TRMT2B: variants seen among roughly 807,000 people sequenced by gnomAD.
TRMT2B encodes the protein tRNA (uracil-5-)-methyltransferase homolog B.
TRMT2B carries 34 observed loss-of-function variants against 39.7 expected under a neutral mutation model. The ratio of observed to expected loss-of-function variants is 0.86; its 90% confidence interval spans 0.65 to 1.14. TRMT2B has a LOEUF of 1.14. Ranked by LOEUF, TRMT2B falls within the 50% of genes most tolerant of loss-of-function variation. The pLI, the probability that TRMT2B is intolerant of heterozygous loss-of-function variation, is 0.00. For missense variants in TRMT2B, 318 were observed against 377.2 expected, an observed-to-expected ratio of 0.84 and a Z score of 1.30; for synonymous variants, 132 against 137.3, an observed-to-expected ratio of 0.96 and a Z score of 0.27.
chrX:101,034,496 GGGAACT>G lies in TRMT2B; in HGVS notation c.609+1111_609+1116del, dbSNP rs757344045. 3.8e-3 allele frequency among the ~76,000 whole-genome samples: 422 copies of G among 111,434 alleles called. 2 individuals are homozygous for G. The highest frequency in any genetic ancestry group is 0.013 in the African/African-American group (402 of 30,712). On this transcript the variant is annotated intron_variant, in intron 7 of 13. Transcript: ENST00000372936. ...AAAAAAATTTTACCCATGGCAGGGAGGGAACTGGGTAGAGGGGTCAGAGGTGAAAGC... is the reference window on the plus strand; with the variant it reads ...AAAAAAATTTTACCCATGGCAGGGAGGGGTAGAGGGGTCAGAGGTGAAAGC...
chrX:101,021,464 A>C, intron 9 of TRMT2B, 149 bp from the exon 10 acceptor site: 1 of 466,995 alleles, frequency 2.1e-6, no homozygotes, highest in Non-Finnish European at 3.6e-6. Flanking sequence ...TCTCATCTCT[A>C]CTGAAAATAC....
the TRMT2B span, chrX:100,990,516 T>A: frequency 9.1e-7 from 1 of 1,096,964 alleles, no homozygotes; most frequent in Non-Finnish European, 1.2e-6. Flanking sequence ...TACTCTAATA[T>A]CACATCCCTG....
At chrX:100,998,150 C>T in the TRMT2B span, among the ~76,000 whole-genome samples, 1,147 of 107,658 alleles carry the variant, frequency 0.011, 11 homozygotes, top group Non-Finnish European at 0.016. Context: ...ATCCCAGCTA[C>T]TCAGGAGGCT....
chrX:100,985,969 A>C, the TRMT2B span: 1 of 1,152,361 alleles, frequency 8.7e-7, no homozygotes, highest in Non-Finnish European at 1.2e-6. Context: ...TACCCTTAAA[A>C]GTATAGAAAT....
chrX:100,983,703 A>G, the TRMT2B span, among the ~76,000 whole-genome samples: 1 of 111,890 alleles, frequency 8.9e-6, no homozygotes, highest in African/African-American at 3.3e-5. Flanking sequence ...CAAATATCAC[A>G]TCAAAGTTTT....
At chrX:100,993,641 C>A in the TRMT2B span, among the ~76,000 whole-genome samples, 1 of 111,903 alleles carries the variant, frequency 8.9e-6, no homozygotes, top group East Asian at 2.8e-4. Context: ...TATTGGCATA[C>A]TTCCTTTTGT....
the TRMT2B span, among the ~76,000 whole-genome samples, chrX:100,997,033 A>C: frequency 4.5e-5 from 5 of 111,830 alleles, no homozygotes; most frequent in African/African-American, 1.3e-4. Context: ...GGCTTCTATA[A>C]GTTCCATATT....
At chrX:100,991,326 C>T in the TRMT2B span, among the ~76,000 whole-genome samples, 1 of 111,384 alleles carries the variant, frequency 9.0e-6, no homozygotes, top group Non-Finnish European at 1.9e-5. Context: ...ATGAGCAGCA[C>T]AGCCACCATT....
chrX:100,976,686 C>G, the TRMT2B span, among the ~76,000 whole-genome samples: 3 of 112,530 alleles, frequency 2.7e-5, no homozygotes, highest in Admixed American at 1.9e-4. Context: ...AATCTTGGCT[C>G]ACTGCAACCT....
intron 7 of TRMT2B, among the ~76,000 whole-genome samples, chrX:101,030,021 A>T (rs1299876590): frequency 9.0e-6 from 1 of 111,527 alleles, no homozygotes; most frequent in African/African-American, 3.3e-5. Context: ...TCACTTTGGG[A>T]GGCTGAGGCG....
chrX:101,025,751 G>A (rs765679248), intron 7 of TRMT2B, among the ~76,000 whole-genome samples: 2 of 110,882 alleles, frequency 1.8e-5, no homozygotes, highest in African/African-American at 3.3e-5. Context: ...TTGAGGTCAG[G>A]GGTTCAAGAC....
intron 12 of TRMT2B, 23 bp downstream of exon 12, chrX:101,019,261 T>C (rs2086676168): frequency 1.7e-6 from 2 of 1,210,405 alleles, no homozygotes; most frequent in Non-Finnish European, 2.2e-6. Context: ...ACTGGGAACA[T>C]CAAAATAGCT....
At chrX:100,984,083 T>G in the TRMT2B span, among the ~76,000 whole-genome samples, 3 of 109,752 alleles carry the variant, frequency 2.7e-5, no homozygotes, top group Non-Finnish European at 5.7e-5. Context: ...TAAAGGCTGC[T>G]GTTTTCCATT....
chrX:101,035,785 A>G, intron 6 of TRMT2B, 102 bp from the exon 7 acceptor site: 1 of 684,505 alleles, frequency 1.5e-6, no homozygotes, highest in Non-Finnish European at 2.3e-6. Flanking sequence ...GCATATGTAG[A>G]TATGAAGAAG....
chrX:100,990,705 G>C, the TRMT2B span: 4 of 780,709 alleles, frequency 5.1e-6, no homozygotes, highest in South Asian at 5.2e-5. Context: ...TGGACAATAA[G>C]TCATGGGTGA....
chrX:101,020,818 C>T lies in TRMT2B; in HGVS notation c.1067-230G>A, dbSNP rs184765846. 1.8e-3 allele frequency among the ~76,000 whole-genome samples: 201 copies of T among 111,613 alleles called. 3 individuals carry two copies. Among genetic ancestry groups the T allele is most frequent in the Non-Finnish European group, 2.5e-3 (132 of 53,120 alleles). ...CTGAGTAGCTAAGACTACAGGTTCACGCCACTATGCCCAGCTAATTTTTAA... is the reference window on the plus strand; with the variant it reads ...CTGAGTAGCTAAGACTACAGGTTCATGCCACTATGCCCAGCTAATTTTTAA... On this transcript the variant is annotated intron_variant, in intron 10 of 13. Coordinates refer to ENST00000372936, the MANE Select transcript of TRMT2B (RefSeq NM_024917.6).
chrX:101,008,268 G>GA (rs754125105), downstream of TRMT2B, among the ~76,000 whole-genome samples: 2 of 111,131 alleles, frequency 1.8e-5, no homozygotes, highest in Non-Finnish European at 3.8e-5. Context: ...GGAATAAATG[G>GA]AAAAAAATTG....
chrX:101,015,747 A>G (rs1026928545), intron 13 of TRMT2B: 6 of 293,687 alleles, frequency 2.0e-5, no homozygotes, highest in African/African-American at 1.5e-4. Context: ...TGCATAAATT[A>G]ATGATTTTTT....
At chrX:101,031,354 G>C (rs1414273187) in intron 7 of TRMT2B, among the ~76,000 whole-genome samples, 2 of 111,752 alleles carry the variant, frequency 1.8e-5, no homozygotes, top group African/African-American at 6.5e-5. Context: ...AAAAGACAAT[G>C]CCCAAAACAA....
Sources: gnomAD v4.1 joint callset for allele counts (sites outside exome capture counted in the v4.1 genomes callset) on GRCh38, gnomAD v4.1.1 for gene constraint, MANE v1.5 for transcripts, NCBI Gene and HGNC (gene_info 2026-07-23, HGNC 2026-07-21) for gene names.